RPL31: variants seen among roughly 807,000 people sequenced by gnomAD.
RPL31 encodes large ribosomal subunit protein eL31.
For synonymous variants in RPL31, 51 were observed against 55.0 expected, an observed-to-expected ratio of 0.93 and a Z score of 0.32; for missense variants, 95 against 164.0, an observed-to-expected ratio of 0.58 and a Z score of 2.30.
chr2:101,014,722 A>G (rs1679486146), intron 4 of RPL31, among the ~76,000 whole-genome samples: 1 of 152,158 alleles, frequency 6.6e-6, no homozygotes, highest in Admixed American at 6.5e-5. Flanking sequence ...ACATATTGGC[A>G]CGTTCTTAAA....
At chr2:101,008,816 A>AG (rs976048220), downstream of RPL31, among the ~76,000 whole-genome samples, 5 of 151,968 alleles carry the variant, frequency 3.3e-5, no homozygotes, top group Admixed American at 6.6e-5. Flanking sequence ...TGTCTTAAAA[A>AG]AAAAAAAATG....
intron 2 of RPL31, 66 bp downstream of exon 2, chr2:101,002,874 C>A: frequency 1.8e-6 from 2 of 1,140,692 alleles, no homozygotes; most frequent in African/African-American, 1.5e-5. Context: ...AGAGATGTGC[C>A]GAATCACCTC....
At chr2:101,019,205 T>G in exon 5 of RPL31, 2 of 773,912 alleles carry the variant, frequency 2.6e-6, no homozygotes, top group Non-Finnish European at 4.0e-6. Context: ...AACAAGGTAC[T>G]GATGTCTTCT....
chr2:101,003,318 GT>G (rs1678610239), intron 2 of RPL31, among the ~76,000 whole-genome samples: 1 of 151,914 alleles, frequency 6.6e-6, no homozygotes, highest in Non-Finnish European at 1.5e-5. Context: ...CATCTGTTTT[GT>G]TTTGTTTTGT....
rs139271199 is a variant in RPL31 at position 101,016,178 on chromosome 2, A to G, written c.347-2820A>G. ...AAAATTTTCGCAACCTACTCATCTGAGAAAGGGCTAATATCCAGAATCTAC... is the reference window on the plus strand; with the variant it reads ...AAAATTTTCGCAACCTACTCATCTGGGAAAGGGCTAATATCCAGAATCTAC... On this transcript the variant is annotated intron_variant, in intron 4 of 4. Transcript: ENST00000409028. Among the ~76,000 whole-genome samples, 968 of 152,346 alleles carry G rather than the reference A, an allele frequency of 6.4e-3. 3 individuals are homozygous for G. Among genetic ancestry groups the G allele is most frequent in the African/African-American group, 0.022 (901 of 41,574 alleles).
chr2:101,007,798 T>C, downstream of RPL31: 1 of 1,605,600 alleles, frequency 6.2e-7, no homozygotes, highest in South Asian at 1.1e-5. Flanking sequence ...TGGACTCCAG[T>C]GTGCATAGCA....
chr2:101,018,066 A>G (rs1303200874), intron 4 of RPL31: 7 of 822,230 alleles, frequency 8.5e-6, no homozygotes, highest in South Asian at 1.9e-5. Flanking sequence ...AATGTTGACA[A>G]TCTAGGCTAA....
rs750370121 is a variant in RPL31, at chr2:101,004,210, A to G, written c.160A>G (p.Met54Val). ...ACTCAAAGAGATTCGGAAATTTGCCATGAAGGAGATGGGAACTCCAGATGT... is the reference window on the plus strand; with the variant it reads ...ACTCAAAGAGATTCGGAAATTTGCCGTGAAGGAGATGGGAACTCCAGATGT... Reference protein sequence around the residue: ...RALKEIRKFAMKEMGTPDVRI... With the variant: ...RALKEIRKFAVKEMGTPDVRI... The change falls in exon 3 of 5, where the codon ATG (methionine) becomes GTG (valine). Residue 54 changes from methionine (M) to valine (V), a missense_variant. By Grantham distance (21) the Met-to-Val change is conservative. Coordinates refer to ENST00000264258, the MANE Select transcript of RPL31 (RefSeq NM_000993.5). 5 of 1,614,122 alleles carry G rather than the reference A, an allele frequency of 3.1e-6. No homozygotes were observed. Among genetic ancestry groups the G allele is most frequent in the African/African-American group, 1.3e-5 (1 of 75,056 alleles).
chr2:101,018,038 T>C (rs1400707560), intron 4 of RPL31: 9 of 1,044,926 alleles, frequency 8.6e-6, no homozygotes, highest in Non-Finnish European at 1.1e-5. Flanking sequence ...TATCAACCCC[T>C]TTTTCACTGA....
intron 4 of RPL31, chr2:101,018,985 A>G (rs767043838): frequency 6.2e-7 from 1 of 1,611,328 alleles, no homozygotes; most frequent in Non-Finnish European, 8.5e-7. Context: ...CATCTGTAAT[A>G]TTTCTGTGCT....
At chr2:101,004,052 C>T (rs1342345860) in intron 2 of RPL31, 106 bp from the exon 3 acceptor site, 4 of 1,324,834 alleles carry the variant, frequency 3.0e-6, no homozygotes, top group Middle Eastern at 2.7e-4. Context: ...TAAGACATTG[C>T]TTAAAGTCAG....
At chr2:101,002,560 T>G in intron 1 of RPL31, 142 bp from the exon 2 acceptor site, 1 of 673,854 alleles carries the variant, frequency 1.5e-6, no homozygotes, top group Non-Finnish European at 2.6e-6. Context: ...CGCGGGTGCG[T>G]GGGCCACTGG....
intron 4 of RPL31, 65 bp from the exon 5 acceptor site, chr2:101,006,284 AG>A (rs1286211308): frequency 1.9e-6 from 3 of 1,582,410 alleles, no homozygotes; most frequent in Admixed American, 3.8e-5. Flanking sequence ...CGTCTACAAA[AG>A]GTTTTTAGAG....
chr2:101,002,536 GAGGGGCGC>G (rs1163597853), intron 1 of RPL31, 158 bp from the exon 2 acceptor site: 11 of 632,604 alleles, frequency 1.7e-5, no homozygotes, highest in Non-Finnish European at 3.1e-5. Context: ...GGAGGCATCT[GAGGGGCGC>G]AGGGGCGCGG....
At chr2:101,018,406 G>A (rs1157235701) in intron 4 of RPL31, 1 of 156,710 alleles carries the variant, frequency 6.4e-6, no homozygotes, top group Non-Finnish European at 1.4e-5. Flanking sequence ...CTGCAAATTG[G>A]AATTATTCAA....
downstream of RPL31, chr2:101,007,896 C>T (rs767912748): frequency 6.2e-7 from 1 of 1,614,024 alleles, no homozygotes; most frequent in Non-Finnish European, 8.5e-7. Context: ...ACTGATTGAT[C>T]TTGGCATTTT....
rs901962868 is a variant in RPL31 at position 101,007,111 on chromosome 2, A to AGTG, written c.*731_*733dup. On this transcript the variant is annotated 3_prime_UTR_variant, in exon 5 of 5. Coordinates refer to ENST00000264258, the MANE Select transcript of RPL31 (RefSeq NM_000993.5). ...AAGGCAGGGCTGAGAAGTACCTAGT[A>AGTG]GTGTTGCACCACCCAAAAACCATGG... 9.8e-5 allele frequency: 15 copies of AGTG among 152,352 alleles called. No individual in the cohort carries two copies. Among genetic ancestry groups the AGTG allele is most frequent in the African/African-American group, 3.6e-4 (15 of 41,448 alleles). The allele number at this position is 152,352 out of a possible 1,614,324, so 9.4% of individuals were successfully genotyped here.
intron 1 of RPL31, 173 bp from the exon 2 acceptor site, chr2:101,002,529 G>T (rs578073755): frequency 3.2e-6 from 2 of 621,134 alleles, no homozygotes; most frequent in Non-Finnish European, 5.8e-6. Flanking sequence ...CCGGGTCGGA[G>T]GCATCTGAGG....
downstream of RPL31, chr2:101,007,838 T>TAA (rs1418144358): frequency 1.9e-6 from 3 of 1,613,550 alleles, no homozygotes; most frequent in East Asian, 2.2e-5. Context: ...TTACTCAGCT[T>TAA]AAGTTCAGAT....
Sources: allele counts gnomAD v4.1 joint callset (sites outside exome capture counted in the v4.1 genomes callset), GRCh38; gene constraint gnomAD v4.1.1; transcripts MANE v1.5; gene names NCBI Gene and HGNC (gene_info 2026-07-23, HGNC 2026-07-21).